DAP: variants seen among roughly 807,000 people sequenced by gnomAD.
DAP encodes the protein death-associated protein 1.
A neutral mutation model predicts 13.8 loss-of-function variants in DAP; 8 were observed. The ratio of observed to expected loss-of-function variants is 0.58; its 90% CI spans 0.34 to 1.05. DAP has a LOEUF of 1.05. Among genes scored for constraint, DAP ranks in the 50% least tolerant of loss-of-function variants. The probability of loss-of-function intolerance (pLI) is 0.03; values close to 1 mark genes in which losing one functional copy is unlikely to be tolerated. For synonymous variants in DAP, 47 were observed against 47.5 expected (o/e 0.99, Z 0.04); for missense variants, 106 against 133.2 (o/e 0.80, Z 1.01).
At chr5:10,698,282 C>CAAAAAAAAAAAAAA (rs71613386) in intron 2 of DAP, among the ~76,000 whole-genome samples, 1 of 42,902 alleles carries the variant, frequency 2.3e-5, no homozygotes, top group Non-Finnish European at 4.5e-5. Flanking sequence ...CCAGACTTAG[C>CAAAAAAAAAAAAAA]AAAAAAAAAA....
chr5:10,691,614 G>C (rs1483729949), intron 2 of DAP, among the ~76,000 whole-genome samples: 1 of 152,172 alleles, frequency 6.6e-6, no homozygotes, highest in Non-Finnish European at 1.5e-5. Flanking sequence ...AAATCATTCT[G>C]ACAGATGCTG....
At chr5:10,759,368 C>G (rs944465674) in intron 1 of DAP, among the ~76,000 whole-genome samples, 1 of 152,124 alleles carries the variant, frequency 6.6e-6, no homozygotes, top group East Asian at 1.9e-4. Context: ...AATCAAGGCG[C>G]TCCTCCCCAC....
intron 2 of DAP, among the ~76,000 whole-genome samples, chr5:10,705,271 A>C (rs1738670084): frequency 6.6e-6 from 1 of 152,202 alleles, no homozygotes; most frequent in Non-Finnish European, 1.5e-5. Flanking sequence ...GCTGAGTTGC[A>C]ATTGTGTTCC....
chr5:10,730,812 G>T (rs1304084144), intron 2 of DAP, among the ~76,000 whole-genome samples: 1 of 128,966 alleles, frequency 7.8e-6, no homozygotes, highest in Non-Finnish European at 1.6e-5. Flanking sequence ...CTGGTGGGGG[G>T]AATCCTTCTC....
intron 2 of DAP, among the ~76,000 whole-genome samples, chr5:10,717,627 C>A (rs1467789063): frequency 6.6e-6 from 1 of 152,144 alleles, no homozygotes; most frequent in Non-Finnish European, 1.5e-5. Context: ...GAGGCAGTTG[C>A]CAGGCAAGAT....
At chr5:10,700,410 T>C (rs897142431) in intron 2 of DAP, among the ~76,000 whole-genome samples, 3 of 152,100 alleles carry the variant, frequency 2.0e-5, no homozygotes, top group East Asian at 1.9e-4. Context: ...CAAACTAAGG[T>C]TGGGGCCAAA....
chr5:10,708,059 T>C (rs986901124), intron 2 of DAP, among the ~76,000 whole-genome samples: 1 of 152,136 alleles, frequency 6.6e-6, no homozygotes, highest in Non-Finnish European at 1.5e-5. Context: ...TCCAGGCAGA[T>C]ATACCAACAG....
chr5:10,700,197 G>A (rs543562445), intron 2 of DAP, among the ~76,000 whole-genome samples: 1 of 152,198 alleles, frequency 6.6e-6, no homozygotes, highest in Non-Finnish European at 1.5e-5. Context: ...CTCACTTTGA[G>A]GCGCTATGTA....
chr5:10,689,832 G>C (rs756099090), intron 2 of DAP, among the ~76,000 whole-genome samples: 1 of 152,162 alleles, frequency 6.6e-6, no homozygotes, highest in Non-Finnish European at 1.5e-5. Context: ...ACTTGCCCTT[G>C]TGCACACCCT....
rs967505276 is a variant in DAP, at chr5:10,680,417, G to A, written c.*639C>T. 5 of 381,200 alleles carry A rather than the reference G, an allele frequency of 1.3e-5. No homozygotes were observed. The highest frequency in any genetic ancestry group is 5.3e-5 in the East Asian group (1 of 18,872). 23.6% of individuals were successfully genotyped at this position (381,200 alleles called of 1,614,324 possible). On this transcript the variant is annotated 3_prime_UTR_variant, in exon 4 of 4. Coordinates refer to ENST00000230895, the MANE Select transcript of DAP (RefSeq NM_004394.3). Reference sequence around the variant, plus strand: ...CAGAAGTCCTCCCTCGGAGCTACCTGTCTCCAGCCTCATTCTTTGGCATGT... The same window carrying A: ...CAGAAGTCCTCCCTCGGAGCTACCTATCTCCAGCCTCATTCTTTGGCATGT...
At chr5:10,713,995 T>C (rs1738918399) in intron 2 of DAP, among the ~76,000 whole-genome samples, 2 of 152,244 alleles carry the variant, frequency 1.3e-5, no homozygotes, top group Non-Finnish European at 2.9e-5. Flanking sequence ...AGGCCGTGGG[T>C]TCTTTCCACA....
In DAP at chr5:10,680,767, T is replaced by C. The variant is rs1435907133; in HGVS notation, c.*289A>G. 3.3e-6 allele frequency: 5 copies of C among 1,536,464 alleles called. No homozygotes were observed. The highest frequency in any genetic ancestry group is 2.7e-5 in the African/African-American group (2 of 73,048). ...CAAGGACGTCAGGTGACTGCTGAAA[T>C]AGAACTAAAGCTAAAATTTTTCTCG... On this transcript the variant is annotated 3_prime_UTR_variant, in exon 4 of 4. Coordinates refer to ENST00000230895, the MANE Select transcript of DAP (RefSeq NM_004394.3).
intron 2 of DAP, among the ~76,000 whole-genome samples, chr5:10,735,258 C>T (rs1276803922): frequency 6.6e-6 from 1 of 152,178 alleles, no homozygotes; most frequent in Non-Finnish European, 1.5e-5. Context: ...GGGAAGCGCT[C>T]CTGCCTGTCG....
intron 2 of DAP, among the ~76,000 whole-genome samples, chr5:10,741,003 G>T (rs1055552606): frequency 7.9e-5 from 12 of 152,204 alleles, no homozygotes; most frequent in Non-Finnish European, 1.8e-4. Context: ...ATGTAGAGCT[G>T]ACTGTTCACA....
At chr5:10,731,927 C>G (rs1739470806) in intron 2 of DAP, among the ~76,000 whole-genome samples, 1 of 152,234 alleles carries the variant, frequency 6.6e-6, no homozygotes, top group Non-Finnish European at 1.5e-5. Context: ...CAGGCACCCA[C>G]CTCTCCTGTG....
intron 2 of DAP, among the ~76,000 whole-genome samples, chr5:10,740,659 A>G (rs1739731532): frequency 6.6e-6 from 1 of 152,234 alleles, no homozygotes; most frequent in Admixed American, 6.5e-5. Context: ...GAAAGAAAAA[A>G]TTTTTAACTA....
chr5:10,681,225 G>C, intron 3 of DAP, 56 bp from the exon 4 acceptor site: 5 of 1,377,570 alleles, frequency 3.6e-6, no homozygotes, highest in Non-Finnish European at 4.8e-6. Flanking sequence ...GGGTTTGTGG[G>C]TGAGGAAGCC....
chr5:10,743,503 G>T (rs1022389868), intron 2 of DAP, among the ~76,000 whole-genome samples: 1 of 152,076 alleles, frequency 6.6e-6, no homozygotes, highest in Admixed American at 6.5e-5. Context: ...TCCACCACTT[G>T]TCAGTGACCA....
rs1294569886 is a variant in DAP, at chr5:10,748,382, G to A, written c.56-111C>T. ...CTCAGTGGCCACAAGTCAGTCTGGA[G>A]AATCTGGCAATGAAAATGATTAACT... On this transcript the variant is annotated intron_variant, in intron 1 of 3. Transcript: ENST00000230895. 2.3e-5 allele frequency: 18 copies of A among 797,608 alleles called. No homozygotes were observed. In the Admixed American group the frequency reaches 2.9e-4, roughly 13 times the overall value. 49.4% of individuals were successfully genotyped at this position (797,608 alleles called of 1,614,324 possible).
Sources: allele counts gnomAD v4.1 joint callset (sites outside exome capture counted in the v4.1 genomes callset), GRCh38; gene constraint gnomAD v4.1.1; transcripts MANE v1.5; gene names NCBI Gene and HGNC (gene_info 2026-07-23, HGNC 2026-07-21).